MTIF3: variants seen among roughly 807,000 people sequenced by gnomAD.
The protein encoded by MTIF3 is translation initiation factor IF-3, mitochondrial.
MTIF3 carries 13 observed loss-of-function variants against 20.7 expected under a neutral mutation model. That is an observed-to-expected ratio of 0.63 (90% CI 0.41 to 1.00). The LOEUF (loss-of-function observed/expected upper bound fraction) is 1.00, where lower values mean the gene tolerates loss of function less well. Ranked by LOEUF, MTIF3 falls within the 50% of genes least tolerant of loss-of-function variation. The pLI is 0.00. For missense variants in MTIF3, 295 were observed against 324.5 expected (o/e 0.91, Z 0.70); for synonymous variants, 114 against 112.5 (o/e 1.01, Z -0.08).
intron 1 of MTIF3, among the ~76,000 whole-genome samples, chr13:27,447,460 C>T (rs1426731062): frequency 6.6e-6 from 1 of 152,142 alleles, no homozygotes; most frequent in Non-Finnish European, 1.5e-5. Flanking sequence ...TTGCTGCACT[C>T]ACTCCCACAA....
At chr13:27,449,998 C>T (rs1189615468) in intron 1 of MTIF3, 5 of 152,336 alleles carry the variant, frequency 3.3e-5, no homozygotes, top group Admixed American at 3.3e-4. Flanking sequence ...CAGCAGGCAG[C>T]AAGAACAACG....
At chr13:27,446,161 A>G (rs1159387522) in intron 1 of MTIF3, among the ~76,000 whole-genome samples, 1 of 151,928 alleles carries the variant, frequency 6.6e-6, no homozygotes, top group African/African-American at 2.4e-5. Flanking sequence ...GGTTCAAGTG[A>G]TTCTCCTGCT....
intron 3 of MTIF3, among the ~76,000 whole-genome samples, chr13:27,438,675 T>C (rs982024640): frequency 2.0e-5 from 3 of 151,906 alleles, no homozygotes; most frequent in African/African-American, 7.3e-5. Flanking sequence ...TTAAAATTTT[T>C]TGTAGAGATG....
chr13:27,444,298 C>G (rs1200847325), intron 2 of MTIF3, among the ~76,000 whole-genome samples: 2 of 150,304 alleles, frequency 1.3e-5, no homozygotes, highest in Admixed American at 6.6e-5. Context: ...GAGCGAGACT[C>G]TGTCTCAAAA....
intron 2 of MTIF3, 123 bp from the exon 3 acceptor site, chr13:27,440,572 G>T: frequency 1.4e-6 from 1 of 729,962 alleles, no homozygotes; most frequent in Non-Finnish European, 2.2e-6. Flanking sequence ...TGAGGGAAAT[G>T]CTGTTCTCTA....
intron 4 of MTIF3, 150 bp downstream of exon 4, chr13:27,436,966 T>A: frequency 1.5e-6 from 1 of 651,168 alleles, no homozygotes; most frequent in South Asian, 2.2e-5. Context: ...TTAGCCAGGT[T>A]GGTCTCAATC....
intron 1 of MTIF3, among the ~76,000 whole-genome samples, chr13:27,448,755 C>T (rs1340818105): frequency 6.6e-6 from 1 of 152,196 alleles, no homozygotes; most frequent in African/African-American, 2.4e-5. Flanking sequence ...ACTGGACTTA[C>T]GGCCGGGCAC....
intron 2 of MTIF3, among the ~76,000 whole-genome samples, chr13:27,444,176 G>A (rs192339882): frequency 0.021 from 3,168 of 152,194 alleles, 58 homozygotes; most frequent in Middle Eastern, 0.11. Flanking sequence ...CGTGGTGGCG[G>A]GCGCCTGTAG....
intron 1 of MTIF3, among the ~76,000 whole-genome samples, chr13:27,448,998 G>GC (rs11448647): frequency 1 from 152,356 of 152,356 alleles, 76,178 homozygotes; most frequent in Non-Finnish European, 1. Context: ...CTGAGATCGT[G>GC]CACCGCACTC....
chr13:27,447,591 C>T (rs1350572310), intron 1 of MTIF3, among the ~76,000 whole-genome samples: 1 of 152,198 alleles, frequency 6.6e-6, no homozygotes, highest in African/African-American at 2.4e-5. Context: ...CAGACTTTAT[C>T]TGAGTTTTGA....
chr13:27,436,036 T>C (rs1953728124), intron 4 of MTIF3, 143 bp from the exon 5 acceptor site: 2 of 632,456 alleles, frequency 3.2e-6, no homozygotes, highest in Non-Finnish European at 5.5e-6. Flanking sequence ...CATACGTATC[T>C]GGTTAAGTTG....
Position 27,440,105 on chromosome 13 carries a change from C to T in MTIF3, c.344G>A (p.Arg115Gln). The T allele has an allele frequency of 8.1e-6, 13 of 1,614,162 alleles. No homozygotes were observed. The highest frequency in any genetic ancestry group is 2.2e-5 in the East Asian group (1 of 44,884). ...VIRLMDERDL[R>Q]LVQRNTSTEP... ...TGTGCTGGTGTTCCTTTGAACCAGT[C>T]GCAGGTCTCGCTCATCCATAAGTCT... is the stretch of plus-strand genomic sequence containing the variant. Residue 115 changes from arginine (R) to glutamine (Q), a missense_variant, in exon 3 of 5, where the codon CGA (arginine) becomes CAA (glutamine). Physicochemically the swap from Arg to Gln is conservative, Grantham distance 43 (BLOSUM62 1). Coordinates refer to ENST00000381120, the MANE Select transcript of MTIF3 (RefSeq NM_152912.5).
intron 2 of MTIF3, among the ~76,000 whole-genome samples, chr13:27,444,032 A>G (rs779121267): frequency 1.4e-4 from 21 of 152,222 alleles, no homozygotes; most frequent in East Asian, 3.9e-4. Context: ...GGCCGGGTGC[A>G]GTGGCTCACG....
intron 1 of MTIF3, among the ~76,000 whole-genome samples, chr13:27,446,774 C>A (rs1954193751): frequency 6.6e-6 from 1 of 152,064 alleles, no homozygotes; most frequent in South Asian, 2.1e-4. Flanking sequence ...TGCATAGTGC[C>A]TTTATTTCTT....
chr13:27,436,990 A>T (rs1953794582), intron 4 of MTIF3, 126 bp downstream of exon 4: 1 of 864,850 alleles, frequency 1.2e-6, no homozygotes, highest in Non-Finnish European at 1.8e-6. Flanking sequence ...TGATCTCGTG[A>T]TCCGCCCACC....
At chr13:27,439,838 A>G in intron 3 of MTIF3, 151 bp downstream of exon 3, 2 of 681,838 alleles carry the variant, frequency 2.9e-6, no homozygotes, top group Non-Finnish European at 2.5e-6. Context: ...AGGATAAAGG[A>G]GGAAAGACAG....
Position 27,435,720 on chromosome 13 carries a change from G to C in MTIF3, c.792C>G (p.Asn264Lys). The change falls in exon 5 of 5, where the codon AAC becomes AAG. Residue 264 changes from asparagine to lysine, a missense_variant. Physicochemically the swap from Asn to Lys is moderately conservative, Grantham distance 94 (BLOSUM62 0). Transcript: ENST00000381120. ...ATTCCTTATCATTTCCATGGTCTTT[G>C]TTCAAAGTGTCTCTTTCCTGGGTCT... ...TQETQERDTL[N>K]KDHGNDKESN... The C allele has an allele frequency of 6.2e-7, 1 of 1,614,068 alleles. No homozygotes were observed.
chr13:27,438,483 G>GTTTTTTTTT, intron 3 of MTIF3, among the ~76,000 whole-genome samples: 1 of 107,174 alleles, frequency 9.3e-6, no homozygotes, highest in Non-Finnish European at 1.7e-5. Flanking sequence ...GAGCAAGACT[G>GTTTTTTTTT]TTTTTTTTTT....
At position 27,440,407 on chromosome 13, in the gene MTIF3, T is replaced by C. The variant is rs757234794; in HGVS notation, c.42A>G (p.Val14=). 6.2e-7 allele frequency: 1 copy of C among 1,613,756 alleles called. No individual in the cohort carries two copies. The highest frequency in any genetic ancestry group is 8.5e-7 in the Non-Finnish European group (1 of 1,179,778). Residue 14 remains valine (V), a synonymous_variant, in exon 3 of 5, where the codon GTA becomes GTG. Transcript: ENST00000381120. ...ATCTAATGCAACTATTTTCAGACTT[T>C]ACAGTTTGTAGTGTTAACCTCTTTA... ...LFLKRLTLQT[V]KSENSCIRCF... is the part of the protein sequence containing the mutation.
Sources: allele counts gnomAD v4.1 joint callset (sites outside exome capture counted in the v4.1 genomes callset), GRCh38; gene constraint gnomAD v4.1.1; transcripts MANE v1.5; gene names NCBI Gene and HGNC (gene_info 2026-07-23, HGNC 2026-07-21).